Variants in PTPRM observed in about 807,000 individuals in gnomAD.
The protein encoded by PTPRM is receptor-type tyrosine-protein phosphatase mu.
A neutral mutation model predicts 186.7 loss-of-function variants in PTPRM; 47 were observed. The observed-to-expected ratio is 0.25, with a 90% CI of 0.20 to 0.32. The LOEUF (loss-of-function observed/expected upper bound fraction) is 0.32, where lower values mean the gene tolerates loss of function less well. Ranked by LOEUF, PTPRM falls within the 10% of genes least tolerant of loss-of-function variation. PTPRM has a pLI of 1.00. For missense variants in PTPRM, 1,494 were observed against 1,865.0 expected (o/e 0.80, Z 3.66); for synonymous variants, 668 against 674.9 (o/e 0.99, Z 0.16).
chr18:7,733,953 C>T (rs993100095), intron 1 of PTPRM, among the ~76,000 whole-genome samples: 4 of 152,216 alleles, frequency 2.6e-5, no homozygotes, highest in Admixed American at 6.5e-5. Context: ...GGGTACCCTT[C>T]CCTAATCCTA....
At chr18:8,286,143 T>TA (rs2094954584) in intron 19 of PTPRM, among the ~76,000 whole-genome samples, 1 of 152,222 alleles carries the variant, frequency 6.6e-6, no homozygotes, top group Non-Finnish European at 1.5e-5. Context: ...AAAGACCTCG[T>TA]GAGTTGCTGC....
intron 2 of PTPRM, among the ~76,000 whole-genome samples, chr18:7,794,160 A>G (rs1271893903): frequency 6.6e-6 from 1 of 152,212 alleles, no homozygotes; most frequent in African/African-American, 2.4e-5. Context: ...TTCTTCCGGT[A>G]CACTAAGGAA....
intron 5 of PTPRM, among the ~76,000 whole-genome samples, chr18:7,935,312 A>C (rs978677056): frequency 6.6e-6 from 1 of 152,164 alleles, no homozygotes; most frequent in African/African-American, 2.4e-5. Flanking sequence ...TAGTCAGTTA[A>C]ATATCTATAT....
intron 1 of PTPRM, among the ~76,000 whole-genome samples, chr18:7,655,932 T>C (rs2038835725): frequency 6.6e-6 from 1 of 152,160 alleles, no homozygotes; most frequent in Non-Finnish European, 1.5e-5. Context: ...TAATGACTAT[T>C]AGTGAGGATG....
chr18:8,270,559 G>T (rs1042844265), intron 19 of PTPRM: 1 of 152,028 alleles, frequency 6.6e-6, no homozygotes, highest in Non-Finnish European at 1.5e-5. Flanking sequence ...GGACTCCAAT[G>T]CTCATTACAG....
At chr18:8,233,174 C>A (rs969335420) in intron 14 of PTPRM, among the ~76,000 whole-genome samples, 16 of 152,156 alleles carry the variant, frequency 1.1e-4, no homozygotes, top group African/African-American at 3.4e-4. Flanking sequence ...ATCCCTTTGC[C>A]GGCACACTAC....
intron 23 of PTPRM, chr18:8,365,945 A>G (rs1261986657): frequency 6.6e-6 from 1 of 152,244 alleles, no homozygotes. Flanking sequence ...GTATCAATTA[A>G]TCCAGTGGTT....
At chr18:8,400,014 G>C (rs2095863865) in intron 32 of PTPRM, among the ~76,000 whole-genome samples, 1 of 152,194 alleles carries the variant, frequency 6.6e-6, no homozygotes, top group Non-Finnish European at 1.5e-5. Context: ...AGGATAAAGG[G>C]TGGTAAAGCA....
intron 1 of PTPRM, among the ~76,000 whole-genome samples, chr18:7,601,824 A>C (rs1242200605): frequency 6.6e-6 from 1 of 152,210 alleles, no homozygotes; most frequent in East Asian, 1.9e-4. Flanking sequence ...CTACATTCTC[A>C]TACATCAGTT....
chr18:7,569,005 C>T (rs549043078), intron 1 of PTPRM, among the ~76,000 whole-genome samples: 13 of 152,274 alleles, frequency 8.5e-5, no homozygotes, highest in African/African-American at 3.1e-4. Flanking sequence ...ATAAAAAAGC[C>T]TGCTCTTTGG....
At chr18:7,848,481 A>G (rs1427276198) in intron 2 of PTPRM, among the ~76,000 whole-genome samples, 1 of 152,184 alleles carries the variant, frequency 6.6e-6, no homozygotes, top group Non-Finnish European at 1.5e-5. Context: ...TTGCTTAAAA[A>G]TAAATTTTGT....
At chr18:7,715,689 C>G (rs2040313266) in intron 1 of PTPRM, among the ~76,000 whole-genome samples, 1 of 152,178 alleles carries the variant, frequency 6.6e-6, no homozygotes, top group African/African-American at 2.4e-5. Context: ...GTGCAAAAAT[C>G]ACAAGCATTT....
At chr18:7,732,147 C>T (rs2040672379) in intron 1 of PTPRM, among the ~76,000 whole-genome samples, 2 of 152,058 alleles carry the variant, frequency 1.3e-5, no homozygotes, top group African/African-American at 2.4e-5. Flanking sequence ...AAAAGGAGTA[C>T]ACAGGTTCCT....
At chr18:8,178,223 T>G (rs1191303592) in intron 14 of PTPRM, among the ~76,000 whole-genome samples, 1 of 152,192 alleles carries the variant, frequency 6.6e-6, no homozygotes, top group Non-Finnish European at 1.5e-5. Flanking sequence ...TAGCCAGAGA[T>G]CATTGGTTTG....
chr18:8,252,428 G>C (rs2094536222), intron 17 of PTPRM, 60 bp from the exon 18 acceptor site: 2 of 1,355,072 alleles, frequency 1.5e-6, no homozygotes, highest in Admixed American at 1.7e-5. Flanking sequence ...CAGTACTATT[G>C]CTTATGCCCT....
chr18:8,076,654 CATAATATATTTTAAGAAGTTTA>C, intron 9 of PTPRM, 90 bp downstream of exon 9: 2 of 618,744 alleles, frequency 3.2e-6, no homozygotes, highest in Non-Finnish European at 5.5e-6. Flanking sequence ...TGCATACTTA[CATAATATATTTTAAGAAGTTTA>C]ATGCTTTCAG....
chr18:8,303,918 A>G (rs1035414107), intron 20 of PTPRM, among the ~76,000 whole-genome samples: 3 of 152,214 alleles, frequency 2.0e-5, no homozygotes, highest in Admixed American at 1.3e-4. Flanking sequence ...CCTTGAAACA[A>G]GCACAACAGC....
chr18:7,664,694 C>G (rs1441931752), intron 1 of PTPRM, among the ~76,000 whole-genome samples: 1 of 152,098 alleles, frequency 6.6e-6, no homozygotes, highest in African/African-American at 2.4e-5. Flanking sequence ...TTTTTAGGGT[C>G]TAGCTATGGG....
chr18:7,770,653 C>T (rs190853262), intron 1 of PTPRM, among the ~76,000 whole-genome samples: 1 of 152,292 alleles, frequency 6.6e-6, no homozygotes, highest in East Asian at 1.9e-4. Flanking sequence ...ACCAAGCTAA[C>T]AGTGGAAGAA....
Sources: allele counts gnomAD v4.1 joint callset (sites outside exome capture counted in the v4.1 genomes callset), GRCh38; gene constraint gnomAD v4.1.1; transcripts MANE v1.5; gene names NCBI Gene and HGNC (gene_info 2026-07-23, HGNC 2026-07-21).